Variants in TMEM254 observed in about 807,000 individuals in gnomAD.
TMEM254 encodes transmembrane protein C10orf57.
Under a neutral mutation model 13.9 loss-of-function variants are expected in TMEM254, and 16 were observed. The observed-to-expected ratio is 1.15, with a 90% CI of 0.78 to 1.75. The LOEUF (loss-of-function observed/expected upper bound fraction) is 1.75, where lower values mean the gene tolerates loss of function less well. Among genes scored for constraint, TMEM254 ranks in the 40% most tolerant of loss-of-function variants. The probability of loss-of-function intolerance (pLI) is 0.00; values close to 1 mark genes in which losing one functional copy is unlikely to be tolerated. For missense variants in TMEM254, 155 were observed against 149.0 expected (o/e 1.04, Z -0.21); for synonymous variants, 61 against 56.4 (o/e 1.08, Z -0.36).
intron 3 of TMEM254, among the ~76,000 whole-genome samples, chr10:80,083,542 G>A (rs1351008373): frequency 6.6e-6 from 1 of 152,188 alleles, no homozygotes. Flanking sequence ...ACAGATCGTA[G>A]GATTTCCAGT....
At chr10:80,089,800 G>A (rs779575683) in intron 3 of TMEM254, among the ~76,000 whole-genome samples, 6 of 151,862 alleles carry the variant, frequency 4.0e-5, no homozygotes, top group Non-Finnish European at 5.9e-5. Flanking sequence ...TCAAGAGATC[G>A]AGACCATCCT....
At chr10:80,080,663 G>C (rs1032808862) in intron 1 of TMEM254, among the ~76,000 whole-genome samples, 1 of 152,170 alleles carries the variant, frequency 6.6e-6, no homozygotes, top group Non-Finnish European at 1.5e-5. Context: ...AGTCAGCCAG[G>C]CATGGTGGTT....
rs547407162 is a variant in TMEM254 at position 80,084,000 on chromosome 10, G to A, written c.251+1796G>A. ...CTCAGGAGGCTGAGGCACGAGAATC[G>A]CTTGAATCCGGGAGGCAGAGGCTGC... On this transcript the variant is annotated intron_variant, in intron 3 of 3. Transcript: ENST00000372281. Among the ~76,000 whole-genome samples, 10 of 152,166 alleles carry A rather than the reference G, an allele frequency of 6.6e-5. No homozygotes were observed. The East Asian group carries it at 1.5e-3, about 24-fold the overall frequency.
chr10:80,081,682 A>G, intron 1 of TMEM254, 159 bp from the exon 2 acceptor site: 1 of 1,578,862 alleles, frequency 6.3e-7, no homozygotes, highest in Non-Finnish European at 8.6e-7. Context: ...AAAAGAAAGA[A>G]AGAAAATAGA....
intron 3 of TMEM254, 154 bp downstream of exon 3, chr10:80,082,358 C>CA: frequency 1.3e-6 from 1 of 761,168 alleles, no homozygotes; most frequent in Non-Finnish European, 2.2e-6. Flanking sequence ...GGAGCAGAGG[C>CA]AGTACCCAGT....
intron 3 of TMEM254, among the ~76,000 whole-genome samples, chr10:80,082,986 T>G (rs1227541885): frequency 6.6e-6 from 1 of 152,102 alleles, no homozygotes; most frequent in Non-Finnish European, 1.5e-5. Flanking sequence ...TGTATTGCTA[T>G]TACTATGTTT....
intron 1 of TMEM254, chr10:80,079,703 G>A: frequency 1.0e-6 from 1 of 985,752 alleles, no homozygotes; most frequent in Non-Finnish European, 1.2e-6. Context: ...GTAGGTTGGG[G>A]GCTAAGGTGG....
At chr10:80,083,904 C>A (rs1270614509) in intron 3 of TMEM254, among the ~76,000 whole-genome samples, 1 of 151,902 alleles carries the variant, frequency 6.6e-6, no homozygotes, top group East Asian at 1.9e-4. Context: ...TGACAAAACC[C>A]CATCTCTACT....
At chr10:80,079,184 G>C in intron 1 of TMEM254, 1 of 1,302,354 alleles carries the variant, frequency 7.7e-7, no homozygotes. Context: ...GCTACTTCGC[G>C]GTGAGGCGTG....
At chr10:80,086,048 G>A (rs1465048638) in intron 3 of TMEM254, among the ~76,000 whole-genome samples, 2 of 152,024 alleles carry the variant, frequency 1.3e-5, no homozygotes, top group Non-Finnish European at 2.9e-5. Flanking sequence ...GGGCAGCCTC[G>A]AATGACCAAA....
intron 1 of TMEM254, chr10:80,079,572 G>A (rs1843860729): frequency 2.0e-6 from 2 of 998,194 alleles, no homozygotes; most frequent in Non-Finnish European, 2.4e-6. Flanking sequence ...AGGATAAAGA[G>A]GCTATAACTG....
intron 3 of TMEM254, among the ~76,000 whole-genome samples, chr10:80,089,971 C>G (rs572123802): frequency 1.9e-4 from 28 of 148,998 alleles, no homozygotes; most frequent in African/African-American, 6.7e-4. Context: ...CGCCACTGCA[C>G]TCCAGCCTGG....
At chr10:80,086,017 A>G (rs1844295750) in intron 3 of TMEM254, among the ~76,000 whole-genome samples, 1 of 152,174 alleles carries the variant, frequency 6.6e-6, no homozygotes, top group Non-Finnish European at 1.5e-5. Context: ...AGTTCTTGAC[A>G]AGTAGAAGTA....
At chr10:80,081,674 AAGAAAG>A in intron 1 of TMEM254, 161 bp from the exon 2 acceptor site, 7 of 1,435,726 alleles carry the variant, frequency 4.9e-6, no homozygotes, top group Non-Finnish European at 6.7e-6. Context: ...TCAAAAAAAA[AAGAAAG>A]AAAGAAAATA....
chr10:80,085,897 C>T (rs1048383648), intron 3 of TMEM254, among the ~76,000 whole-genome samples: 3 of 152,110 alleles, frequency 2.0e-5, no homozygotes, highest in African/African-American at 7.2e-5. Context: ...AAATTAGATT[C>T]TTGCTGCTTG....
In TMEM254 at chr10:80,088,789, G is replaced by A. The variant is rs183267007; in HGVS notation, c.252-2008G>A. 3.0e-3 allele frequency among the ~76,000 whole-genome samples: 449 copies of A among 147,498 alleles called. 6 individuals carry two copies. Among genetic ancestry groups the A allele is most frequent in the East Asian group, 3.5e-3 (17 of 4,890 alleles). On this transcript the variant is annotated intron_variant, in intron 3 of 3. Transcript: ENST00000372281. Reference sequence around the variant, plus strand: ...TCTCAAAAAAAAAAAAAAAAGATAGGGTATCATTATGTTGCCAAGGCTGAT... The same window carrying A: ...TCTCAAAAAAAAAAAAAAAAGATAGAGTATCATTATGTTGCCAAGGCTGAT...
At chr10:80,080,770 C>G (rs1843962559) in intron 1 of TMEM254, among the ~76,000 whole-genome samples, 1 of 124,002 alleles carries the variant, frequency 8.1e-6, no homozygotes, top group Admixed American at 7.7e-5. Context: ...AAAACCTCAT[C>G]TCTACACACA....
intron 3 of TMEM254, among the ~76,000 whole-genome samples, chr10:80,082,756 T>C (rs1332850631): frequency 6.6e-6 from 1 of 152,224 alleles, no homozygotes; most frequent in Non-Finnish European, 1.5e-5. Flanking sequence ...GATGCTAGTA[T>C]AGGTTAATGC....
chr10:80,090,711 TAA>T, intron 3 of TMEM254, 84 bp from the exon 4 acceptor site: 1 of 1,311,446 alleles, frequency 7.6e-7, no homozygotes, highest in Non-Finnish European at 1.0e-6. Flanking sequence ...AGGTATAATT[TAA>T]AAAATATATA....
Sources: allele counts gnomAD v4.1 joint callset (sites outside exome capture counted in the v4.1 genomes callset), GRCh38; gene constraint gnomAD v4.1.1; transcripts MANE v1.5; gene names NCBI Gene and HGNC (gene_info 2026-07-23, HGNC 2026-07-21).